Variants in IL1RAPL2 observed in about 807,000 individuals in gnomAD.
IL1RAPL2 encodes X-linked interleukin-1 receptor accessory protein-like 2.
IL1RAPL2 carries 3 observed loss-of-function variants against 44.1 expected under a neutral mutation model. That is an observed-to-expected ratio of 0.07 (90% CI 0.03 to 0.18). IL1RAPL2 has a LOEUF of 0.18. IL1RAPL2 is among the 10% of genes least tolerant of loss of function. The probability of loss-of-function intolerance (pLI) is 1.00; values close to 1 mark genes in which losing one functional copy is unlikely to be tolerated. For synonymous variants in IL1RAPL2, 181 were observed against 178.8 expected (o/e 1.01, Z -0.10); for missense variants, 391 against 496.4 (o/e 0.79, Z 2.02).
intron 2 of IL1RAPL2, among the ~76,000 whole-genome samples, chrX:105,101,013 C>G (rs1417079996): frequency 8.0e-5 from 9 of 112,530 alleles, no homozygotes; most frequent in African/African-American, 2.9e-4. Context: ...GGATATTTCA[C>G]ATAGAGGGGA....
intron 2 of IL1RAPL2, among the ~76,000 whole-genome samples, chrX:104,765,496 C>T (rs1932538951): frequency 8.9e-6 from 1 of 111,987 alleles, no homozygotes; most frequent in African/African-American, 3.2e-5. Flanking sequence ...GTGGTAAACA[C>T]ATATAAATAA....
chrX:105,171,772 A>G (rs1467374403), intron 2 of IL1RAPL2, among the ~76,000 whole-genome samples: 1 of 110,557 alleles, frequency 9.0e-6, no homozygotes, highest in Admixed American at 9.6e-5. Flanking sequence ...CACTCCCATT[A>G]ATCTCTACCT....
chrX:105,515,505 TA>T (rs2036506401), intron 6 of IL1RAPL2, among the ~76,000 whole-genome samples: 1 of 110,464 alleles, frequency 9.1e-6, no homozygotes. Flanking sequence ...CATAGACACT[TA>T]GACCTTAAAA....
chrX:104,860,375 C>T (rs925687170), intron 2 of IL1RAPL2, among the ~76,000 whole-genome samples: 24 of 111,402 alleles, frequency 2.2e-4, no homozygotes, highest in Admixed American at 1.1e-3. Context: ...TCTGTATCTA[C>T]CTTTGTCCTT....
intron 6 of IL1RAPL2, among the ~76,000 whole-genome samples, chrX:105,580,401 C>A (rs1186269611): frequency 9.8e-6 from 1 of 101,871 alleles, no homozygotes; most frequent in African/African-American, 3.6e-5. Flanking sequence ...GTGAAGGCCA[C>A]TTCCTTTGTG....
chrX:105,713,759 G>C (rs1315381061), intron 6 of IL1RAPL2, among the ~76,000 whole-genome samples: 3 of 111,325 alleles, frequency 2.7e-5, no homozygotes, highest in Non-Finnish European at 3.8e-5. Flanking sequence ...TGTCTTGATG[G>C]ATGGCACCTG....
chrX:104,859,024 A>G (rs1266540852), intron 2 of IL1RAPL2, among the ~76,000 whole-genome samples: 1 of 111,874 alleles, frequency 8.9e-6, no homozygotes, highest in Admixed American at 9.5e-5. Context: ...GGCTTGATTG[A>G]CCTACCCTAT....
At chrX:104,768,016 CAT>C (rs1204922698) in intron 2 of IL1RAPL2, among the ~76,000 whole-genome samples, 2 of 111,606 alleles carry the variant, frequency 1.8e-5, no homozygotes, top group African/African-American at 3.2e-5. Context: ...TTGTATTTTA[CAT>C]GTCAATTAAA....
At chrX:105,551,875 G>T in intron 6 of IL1RAPL2, among the ~76,000 whole-genome samples, 1 of 111,540 alleles carries the variant, frequency 9.0e-6, no homozygotes, top group South Asian at 3.8e-4. Context: ...GGAGGCCGAG[G>T]CGGGCGGATC....
chrX:105,565,349 A>ATTTGAT (rs1018415183), intron 6 of IL1RAPL2, among the ~76,000 whole-genome samples: 5 of 111,411 alleles, frequency 4.5e-5, no homozygotes, highest in African/African-American at 1.3e-4. Flanking sequence ...TTATAAATAA[A>ATTTGAT]TTTGATTTTA....
intron 2 of IL1RAPL2, among the ~76,000 whole-genome samples, chrX:104,992,382 G>A (rs754384814): frequency 8.1e-5 from 9 of 111,316 alleles, no homozygotes; most frequent in Non-Finnish European, 1.7e-4. Context: ...CCCTTACACC[G>A]GGTACTTGCA....
intron 2 of IL1RAPL2, among the ~76,000 whole-genome samples, chrX:104,999,725 A>G (rs956183352): frequency 9.0e-6 from 1 of 111,445 alleles, no homozygotes; most frequent in African/African-American, 3.3e-5. Flanking sequence ...AGTGGTATGC[A>G]TACTGTGACT....
chrX:105,654,475 A>G (rs982095484), intron 6 of IL1RAPL2, among the ~76,000 whole-genome samples: 11 of 111,864 alleles, frequency 9.8e-5, no homozygotes, highest in African/African-American at 3.6e-4. Flanking sequence ...TTTATAATCA[A>G]TATTCAGTAA....
chrX:105,371,351 T>G, intron 5 of IL1RAPL2, among the ~76,000 whole-genome samples: 1 of 111,900 alleles, frequency 8.9e-6, no homozygotes, highest in Non-Finnish European at 1.9e-5. Context: ...CTTCTATAGT[T>G]TTTATAGTTT....
At chrX:105,739,817 A>G (rs990103092) in intron 7 of IL1RAPL2, among the ~76,000 whole-genome samples, 4 of 96,195 alleles carry the variant, frequency 4.2e-5, no homozygotes, top group African/African-American at 1.5e-4. Context: ...ATACGTGTGC[A>G]TGTGGCTTTA....
intron 6 of IL1RAPL2, among the ~76,000 whole-genome samples, chrX:105,544,780 T>A (rs189247495): frequency 8.9e-6 from 1 of 111,782 alleles, no homozygotes; most frequent in Admixed American, 9.6e-5. Flanking sequence ...TTTCTTTCTT[T>A]TTTGATTGTT....
intron 2 of IL1RAPL2, among the ~76,000 whole-genome samples, chrX:104,955,607 C>T (rs1000637551): frequency 1.8e-5 from 2 of 108,974 alleles, no homozygotes; most frequent in Non-Finnish European, 3.8e-5. Context: ...GTATCCTTTT[C>T]TAGAATCGTT....
At chrX:105,432,229 C>G (rs929169148) in intron 5 of IL1RAPL2, among the ~76,000 whole-genome samples, 1 of 102,783 alleles carries the variant, frequency 9.7e-6, no homozygotes, top group Non-Finnish European at 2.0e-5. Flanking sequence ...CATTCAGCCA[C>G]TCTCTTTGGA....
chrX:104,871,401 A>G (rs1313030495), intron 2 of IL1RAPL2, among the ~76,000 whole-genome samples: 1 of 111,796 alleles, frequency 8.9e-6, no homozygotes, highest in Non-Finnish European at 1.9e-5. Context: ...CAGTAGAAAT[A>G]TAGAACAAGG....
Sources: gnomAD v4.1 joint callset for allele counts (sites outside exome capture counted in the v4.1 genomes callset) on GRCh38, gnomAD v4.1.1 for gene constraint, MANE v1.5 for transcripts, NCBI Gene and HGNC (gene_info 2026-07-23, HGNC 2026-07-21) for gene names.